Variants in COP1 observed in about 807,000 individuals in gnomAD.
COP1 encodes the protein COP1 E3 ubiquitin ligase.
In COP1, 24 loss-of-function variants were observed where a neutral mutation model predicts 101.3. The ratio of observed to expected loss-of-function variants is 0.24; its 90% CI spans 0.17 to 0.33. The LOEUF (loss-of-function observed/expected upper bound fraction) is 0.33. Ranked by LOEUF, COP1 falls within the 10% of genes least tolerant of loss-of-function variation. COP1 has a pLI of 1.00. For synonymous variants in COP1, 347 were observed against 341.9 expected (o/e 1.01, Z -0.17); for missense variants, 663 against 906.2 (o/e 0.73, Z 3.45).
chr1:176,149,258 A>G (rs1692049666), intron 5 of COP1, among the ~76,000 whole-genome samples, 184 bp from the exon 6 acceptor site: 1 of 152,102 alleles, frequency 6.6e-6, no homozygotes, highest in African/African-American at 2.4e-5. Context: ...TCAATTTTCT[A>G]TAAAACTAAC....
intron 2 of COP1, among the ~76,000 whole-genome samples, chr1:176,176,675 C>T (rs1475533429): frequency 1.3e-5 from 2 of 151,880 alleles, no homozygotes; most frequent in Non-Finnish European, 2.9e-5. Flanking sequence ...AAAAATTAGC[C>T]AGGCATGATA....
chr1:176,014,917 C>G (rs1665359124), intron 15 of COP1, among the ~76,000 whole-genome samples: 1 of 152,082 alleles, frequency 6.6e-6, no homozygotes, highest in Non-Finnish European at 1.5e-5. Flanking sequence ...CCCTGCTTTT[C>G]TGTGTGCTTA....
intron 15 of COP1, among the ~76,000 whole-genome samples, chr1:176,008,221 C>G (rs1008424929): frequency 1.3e-5 from 2 of 152,226 alleles, no homozygotes; most frequent in Non-Finnish European, 2.9e-5. Flanking sequence ...GTGCACGCAC[C>G]CACTGATCTG....
intron 11 of COP1, among the ~76,000 whole-genome samples, chr1:176,076,042 C>T (rs140234231): frequency 6.8e-6 from 1 of 146,638 alleles, no homozygotes; most frequent in African/African-American, 2.5e-5. Flanking sequence ...GACTTCAATA[C>T]CCCACTCACA....
intron 11 of COP1, among the ~76,000 whole-genome samples, chr1:176,080,907 T>C (rs1678999906): frequency 6.6e-6 from 1 of 152,106 alleles, no homozygotes; most frequent in African/African-American, 2.4e-5. Context: ...TCATCAAAAC[T>C]AGACAATGAT....
intron 11 of COP1, among the ~76,000 whole-genome samples, chr1:176,053,647 T>C (rs1672952056): frequency 1.3e-5 from 2 of 152,162 alleles, no homozygotes; most frequent in Middle Eastern, 3.2e-3. Flanking sequence ...CTTCACCTTA[T>C]GACATAACAC....
intron 18 of COP1, among the ~76,000 whole-genome samples, chr1:175,966,063 G>GT (rs1201418517): frequency 6.6e-6 from 1 of 152,108 alleles, no homozygotes; most frequent in Non-Finnish European, 1.5e-5. Context: ...AAGCCTAATA[G>GT]TTTCTTTTTG....
chr1:176,020,968 CTTCT>C (rs1027007904), intron 15 of COP1, among the ~76,000 whole-genome samples: 1 of 152,016 alleles, frequency 6.6e-6, no homozygotes, highest in African/African-American at 2.4e-5. Flanking sequence ...TAGAAATCAG[CTTCT>C]TTCTTCTTTC....
At chr1:176,119,396 A>G (rs530148781) in intron 8 of COP1, among the ~76,000 whole-genome samples, 3 of 152,158 alleles carry the variant, frequency 2.0e-5, no homozygotes, top group Admixed American at 6.5e-5. Context: ...AATGATATTG[A>G]TATCTCAGTG....
intron 3 of COP1, among the ~76,000 whole-genome samples, chr1:176,172,916 A>G (rs1039665461): frequency 3.3e-5 from 5 of 152,188 alleles, no homozygotes; most frequent in South Asian, 4.1e-4. Context: ...GAAAAACACA[A>G]ATAGATGTAT....
chr1:176,132,545 A>G (rs1689061320), intron 8 of COP1, among the ~76,000 whole-genome samples: 2 of 149,450 alleles, frequency 1.3e-5, no homozygotes. Context: ...ATGAATATAT[A>G]CACACATATA....
chr1:176,075,677 C>T (rs1277624250), intron 11 of COP1, among the ~76,000 whole-genome samples: 2 of 152,118 alleles, frequency 1.3e-5, no homozygotes, highest in African/African-American at 2.4e-5. Context: ...AAGTTATTCT[C>T]GGCTTACAAG....
At chr1:176,074,222 T>A (rs1677546586) in intron 11 of COP1, among the ~76,000 whole-genome samples, 1 of 152,214 alleles carries the variant, frequency 6.6e-6, no homozygotes, top group South Asian at 2.1e-4. Flanking sequence ...CCACCTCACC[T>A]GGCCTCTTTA....
chr1:175,973,971 G>A (rs1448246216), intron 18 of COP1, among the ~76,000 whole-genome samples: 1 of 152,200 alleles, frequency 6.6e-6, no homozygotes, highest in African/African-American at 2.4e-5. Context: ...TGTAAAATGT[G>A]CTTATGCAAG....
intron 9 of COP1, among the ~76,000 whole-genome samples, chr1:176,091,872 A>G (rs1376516590): frequency 6.6e-6 from 1 of 152,192 alleles, no homozygotes; most frequent in Non-Finnish European, 1.5e-5. Flanking sequence ...GATTTAAAAT[A>G]AAGGTATGCT....
intron 14 of COP1, among the ~76,000 whole-genome samples, chr1:176,031,599 A>C (rs1277081084): frequency 1.3e-5 from 2 of 152,218 alleles, no homozygotes; most frequent in Non-Finnish European, 2.9e-5. Context: ...ATTTATTTAC[A>C]TATGGCCTCC....
intron 5 of COP1, 117 bp from the exon 6 acceptor site, chr1:176,149,191 T>C (rs897011459): frequency 2.3e-5 from 11 of 475,470 alleles, no homozygotes; most frequent in Admixed American, 4.1e-5. Flanking sequence ...AGTTCGTCTA[T>C]TATTTCTATT....
At chr1:176,000,868 A>AAACAC (rs1250669182) in intron 15 of COP1, among the ~76,000 whole-genome samples, 1 of 151,992 alleles carries the variant, frequency 6.6e-6, no homozygotes, top group Non-Finnish European at 1.5e-5. Flanking sequence ...TCTGGGGATT[A>AAACAC]TAATTGGCAT....
chr1:176,038,259 T>C (rs775893342), intron 14 of COP1, among the ~76,000 whole-genome samples: 4 of 152,066 alleles, frequency 2.6e-5, no homozygotes, highest in Non-Finnish European at 5.9e-5. Flanking sequence ...GCCCTACATA[T>C]GGAGAGATAA....
Sources: gnomAD v4.1 joint callset for allele counts (sites outside exome capture counted in the v4.1 genomes callset) on GRCh38, gnomAD v4.1.1 for gene constraint, MANE v1.5 for transcripts, NCBI Gene and HGNC (gene_info 2026-07-23, HGNC 2026-07-21) for gene names.